The following SLC2A14 variants were observed in gnomAD, a reference collection of about 807,000 sequenced individuals.
The protein encoded by SLC2A14 is solute carrier family 2, facilitated glucose transporter member 14.
A neutral mutation model predicts 43.0 loss-of-function variants in SLC2A14; 13 were observed. The observed-to-expected ratio is 0.30, with a 90% CI of 0.20 to 0.48. The LOEUF (loss-of-function observed/expected upper bound fraction) is 0.48, where lower values mean the gene tolerates loss of function less well. Among genes scored for constraint, SLC2A14 ranks in the 20% least tolerant of loss-of-function variants. The pLI is 0.99. For synonymous variants in SLC2A14, 190 were observed against 233.8 expected, an observed-to-expected ratio of 0.81 and a Z score of 1.71; for missense variants, 428 against 620.4, an observed-to-expected ratio of 0.69 and a Z score of 3.29.
intron 2 of SLC2A14, among the ~76,000 whole-genome samples, chr12:7,843,818 C>T (rs769497107): frequency 1.3e-5 from 2 of 151,688 alleles, no homozygotes; most frequent in South Asian, 4.2e-4. Context: ...ATCCACTCAT[C>T]AGATGCTCAT....
At chr12:7,884,330 A>G (rs1945652846) in intron 1 of SLC2A14, among the ~76,000 whole-genome samples, 1 of 152,080 alleles carries the variant, frequency 6.6e-6, no homozygotes. Flanking sequence ...TTCTTCCTCC[A>G]ACCCCTTTGC....
chr12:7,834,256 T>C (rs1259935406), intron 2 of SLC2A14, among the ~76,000 whole-genome samples: 1 of 152,116 alleles, frequency 6.6e-6, no homozygotes, highest in Non-Finnish European at 1.5e-5. Flanking sequence ...CTTTCTTTTT[T>C]GTAGAGATGG....
intron 2 of SLC2A14, among the ~76,000 whole-genome samples, chr12:7,846,635 AT>A (rs34817500): frequency 0.047 from 6,767 of 145,296 alleles, 177 homozygotes; most frequent in Middle Eastern, 0.076. Flanking sequence ...AATATTCATA[AT>A]TTTTTTTTTT....
chr12:7,854,792 C>G (rs942214150), intron 2 of SLC2A14, among the ~76,000 whole-genome samples: 3 of 151,798 alleles, frequency 2.0e-5, no homozygotes, highest in South Asian at 4.2e-4. Flanking sequence ...TCTGGGATTA[C>G]AGGCATCTCA....
At chr12:7,880,866 G>A (rs143222372) in intron 1 of SLC2A14, among the ~76,000 whole-genome samples, 4,206 of 151,880 alleles carry the variant, frequency 0.028, 147 homozygotes, top group African/African-American at 0.083. Context: ...TTGGCCAGGC[G>A]CGGTGGCTCA....
chr12:7,824,179 C>G (rs893137979), intron 7 of SLC2A14, among the ~76,000 whole-genome samples: 2 of 151,990 alleles, frequency 1.3e-5, no homozygotes, highest in Admixed American at 6.6e-5. Context: ...TTGCTTGAAC[C>G]TGGGAGGCAG....
At chr12:7,836,941 G>A (rs754272388) in intron 2 of SLC2A14, among the ~76,000 whole-genome samples, 1 of 152,034 alleles carries the variant, frequency 6.6e-6, no homozygotes, top group African/African-American at 2.4e-5. Flanking sequence ...GGCTGAGGCA[G>A]GTGGATCACA....
chr12:7,858,974 T>C (rs1565559563), intron 2 of SLC2A14, among the ~76,000 whole-genome samples: 2 of 152,190 alleles, frequency 1.3e-5, no homozygotes, highest in South Asian at 2.1e-4. Flanking sequence ...AATTTTTGTA[T>C]ACAGTATGAG....
rs940299701 is a variant in SLC2A14, at chr12:7,871,141, G to A, written c.-57-1204C>T. 10 of 1,315,690 alleles carry A rather than the reference G, an allele frequency of 7.6e-6. No individual in the cohort carries two copies. The African/African-American group carries it at 1.5e-4, about 20-fold the overall frequency. The allele number at this position is 1,315,690 out of a possible 1,614,324, so 81.5% of individuals were successfully genotyped here. A position where few individuals can be genotyped will look rare whatever the true frequency, so the allele number is the denominator to read the frequency against. ...CACCATGTTTGGGGAGAAGCTGAAT[G>A]GAACAGACCCCCAGGATGTGATCCA... On this transcript the variant is annotated intron_variant, in intron 1 of 10. Transcript: ENST00000431042.
At chr12:7,863,266 C>A in intron 2 of SLC2A14, 1 of 396,956 alleles carries the variant, frequency 2.5e-6, no homozygotes. Context: ...CACTCCTGAG[C>A]CAGCAAGACC....
chr12:7,869,205 T>C (rs775935562), intron 2 of SLC2A14, among the ~76,000 whole-genome samples: 1 of 150,928 alleles, frequency 6.6e-6, no homozygotes, highest in African/African-American at 2.4e-5. Flanking sequence ...CACATTAAAA[T>C]GTTCAGAAAA....
At position 7,836,745 on chromosome 12, in the gene SLC2A14, A is replaced by G. The variant is rs764507224; in HGVS notation, c.19-3931T>C. On this transcript the variant is annotated intron_variant, in intron 2 of 10. Coordinates refer to ENST00000431042, the MANE Select transcript of SLC2A14 (RefSeq NM_001286234.2). ...CAGCTATTTGGGAGCCTGAGGCACC[A>G]GAATCACTTGAACCCGGGAGGCGGA... is the stretch of plus-strand genomic sequence containing the variant. Among the ~76,000 whole-genome samples, 4 of 152,284 alleles carry G rather than the reference A, an allele frequency of 2.6e-5. No homozygotes were observed. In the South Asian group the frequency reaches 8.3e-4, roughly 32 times the overall value.
rs189232998 is a variant in SLC2A14 at position 7,816,681 on chromosome 12, T to A, written c.1275+1150A>T. Among the ~76,000 whole-genome samples the A allele has an allele frequency of 6.7e-3, 1,024 of 151,808 alleles. 15 individuals carry two copies. The highest frequency in any genetic ancestry group is 0.023 in the African/African-American group (942 of 41,448). ...GAGTTTGAGACCAGCCTGGCCAACA[T>A]AGCAAGCCCCTGTCTCTATTCGTAA... is the stretch of plus-strand genomic sequence containing the variant. On this transcript the variant is annotated intron_variant, in intron 10 of 10. Transcript: ENST00000431042.
upstream of SLC2A14, among the ~76,000 whole-genome samples, chr12:7,874,802 ATATAAATACGTATT>A (rs1208982604): frequency 3.1e-5 from 2 of 65,238 alleles, no homozygotes; most frequent in Non-Finnish European, 5.9e-5. Flanking sequence ...TATAAATAAT[ATATAAATACGTATT>A]TATATATAAA....
At chr12:7,838,207 C>T (rs752069761) in intron 2 of SLC2A14, among the ~76,000 whole-genome samples, 50 of 152,188 alleles carry the variant, frequency 3.3e-4, no homozygotes, top group Admixed American at 2.0e-3. Context: ...CCTGCCTCAG[C>T]CTCCAGAGTA....
chr12:7,877,776 A>C (rs1945487984), upstream of SLC2A14, among the ~76,000 whole-genome samples: 1 of 151,938 alleles, frequency 6.6e-6, no homozygotes, highest in Admixed American at 6.6e-5. Flanking sequence ...ATTTATTTAG[A>C]GATGAAGTCT....
intron 7 of SLC2A14, among the ~76,000 whole-genome samples, chr12:7,824,749 A>G (rs1592159497): frequency 6.7e-6 from 1 of 148,174 alleles, no homozygotes; most frequent in East Asian, 2.0e-4. Flanking sequence ...AAAAAAAAGA[A>G]TACATTGTTT....
At chr12:7,824,465 G>A (rs2120713541) in intron 7 of SLC2A14, among the ~76,000 whole-genome samples, 1 of 151,672 alleles carries the variant, frequency 6.6e-6, no homozygotes, top group East Asian at 2.0e-4. Flanking sequence ...CAGGTGAGGT[G>A]GCTCACACCT....
chr12:7,824,048 G>A (rs1864146370), intron 7 of SLC2A14, among the ~76,000 whole-genome samples: 2 of 152,084 alleles, frequency 1.3e-5, no homozygotes, highest in South Asian at 4.1e-4. Context: ...CTGAGGTCAG[G>A]AGTTCAAGGC....
Sources: allele counts gnomAD v4.1 joint callset (sites outside exome capture counted in the v4.1 genomes callset), GRCh38; gene constraint gnomAD v4.1.1; transcripts MANE v1.5; gene names NCBI Gene and HGNC (gene_info 2026-07-23, HGNC 2026-07-21).